TMTC1: variants seen among roughly 807,000 people sequenced by gnomAD.
The protein encoded by TMTC1 is protein O-mannosyl-transferase TMTC1.
TMTC1 carries 73 observed loss-of-function variants against 104.8 expected under a neutral mutation model. The observed-to-expected ratio is 0.70, with a 90% confidence interval of 0.58 to 0.85. The LOEUF is 0.85. Among genes scored for constraint, TMTC1 ranks in the 40% least tolerant of loss-of-function variants. The pLI is 0.00. For synonymous variants in TMTC1, 434 were observed against 428.7 expected (o/e 1.01, Z -0.15); for missense variants, 1,035 against 1,096.1 (o/e 0.94, Z 0.79).
intron 5 of TMTC1, among the ~76,000 whole-genome samples, chr12:29,728,296 AG>A (rs1942454919): frequency 6.6e-6 from 1 of 152,028 alleles, no homozygotes; most frequent in South Asian, 2.1e-4. Context: ...CCAGAGGCTC[AG>A]GAGCTGTGAT....
intron 5 of TMTC1, among the ~76,000 whole-genome samples, chr12:29,681,599 C>T (rs2136716310): frequency 6.6e-6 from 1 of 152,210 alleles, no homozygotes; most frequent in South Asian, 2.1e-4. Context: ...CAGAGGCACA[C>T]ATCAACTGAC....
At chr12:29,616,230 A>C (rs550329401) in intron 6 of TMTC1, among the ~76,000 whole-genome samples, 1 of 152,282 alleles carries the variant, frequency 6.6e-6, no homozygotes, top group African/African-American at 2.4e-5. Context: ...TATTTTGAGA[A>C]ATGCTGGTAC....
intron 5 of TMTC1, among the ~76,000 whole-genome samples, chr12:29,712,876 A>C (rs904398070): frequency 6.6e-6 from 1 of 152,176 alleles, no homozygotes; most frequent in Non-Finnish European, 1.5e-5. Context: ...ACTTGAATGA[A>C]TCTTTTATCC....
intron 5 of TMTC1, among the ~76,000 whole-genome samples, chr12:29,741,694 C>T (rs1254755135): frequency 6.6e-6 from 1 of 152,180 alleles, no homozygotes; most frequent in Non-Finnish European, 1.5e-5. Flanking sequence ...AGTGACTTTC[C>T]ATTGTTCAGG....
At chr12:29,773,614 C>A (rs1943642989) in intron 1 of TMTC1, among the ~76,000 whole-genome samples, 1 of 152,148 alleles carries the variant, frequency 6.6e-6, no homozygotes, top group African/African-American at 2.4e-5. Flanking sequence ...AGCCTGATTC[C>A]TGGCCCTGAA....
intron 5 of TMTC1, among the ~76,000 whole-genome samples, chr12:29,718,410 G>A (rs1297663600): frequency 2.6e-5 from 4 of 152,154 alleles, no homozygotes; most frequent in Non-Finnish European, 4.4e-5. Context: ...AGGAAATCCT[G>A]TAAAGAAGAG....
chr12:29,698,226 T>A (rs1400691852), intron 5 of TMTC1, among the ~76,000 whole-genome samples: 1 of 152,186 alleles, frequency 6.6e-6, no homozygotes, highest in Non-Finnish European at 1.5e-5. Flanking sequence ...TATTGTCCTC[T>A]CCCACGCCCA....
chr12:29,515,421 C>A (rs899596282), intron 15 of TMTC1, among the ~76,000 whole-genome samples: 5 of 152,196 alleles, frequency 3.3e-5, no homozygotes. Context: ...CCTGTGCTTG[C>A]GTTCCTACGG....
intron 9 of TMTC1, among the ~76,000 whole-genome samples, chr12:29,561,860 AATTT>A (rs1481425046): frequency 6.6e-6 from 1 of 152,114 alleles, no homozygotes; most frequent in Non-Finnish European, 1.5e-5. Flanking sequence ...ACCACACATT[AATTT>A]ATTTGAGGTT....
chr12:29,714,656 AC>A (rs35825692), intron 5 of TMTC1, among the ~76,000 whole-genome samples: 4 of 152,084 alleles, frequency 2.6e-5, no homozygotes, highest in Non-Finnish European at 2.9e-5. Flanking sequence ...GATCTGGGGT[AC>A]CCCCCCTGGA....
chr12:29,640,308 G>A (rs1938775213), intron 5 of TMTC1, among the ~76,000 whole-genome samples: 1 of 151,470 alleles, frequency 6.6e-6, no homozygotes, highest in Admixed American at 6.6e-5. Flanking sequence ...ACAGGAGGCA[G>A]GAACAGATGC....
intron 5 of TMTC1, among the ~76,000 whole-genome samples, chr12:29,677,874 CTATTT>C (rs1940785924): frequency 6.6e-6 from 1 of 152,298 alleles, no homozygotes; most frequent in Admixed American, 6.5e-5. Context: ...TATAATTGCT[CTATTT>C]TATTATGTTA....
intron 9 of TMTC1, among the ~76,000 whole-genome samples, chr12:29,563,770 A>G (rs1197573216): frequency 6.6e-6 from 1 of 152,194 alleles, no homozygotes; most frequent in African/African-American, 2.4e-5. Flanking sequence ...AATGTGCCAG[A>G]CCGTTTGCTA....
Position 29,783,535 on chromosome 12 carries a change from T to C in TMTC1, c.217A>G (p.Ile73Val). Residue 73 changes from isoleucine (I) to valine (V), a missense_variant, in exon 1 of 18, where the codon ATC (isoleucine) becomes GTC (valine). Transcript: ENST00000539277. This position sits in a 1 kb window ranked among gnomAD's most constrained non-coding sequence, Gnocchi z 4.7. Reference sequence around the variant, plus strand: ...TTGCCCCAGAAGTCGTTGGTGAAGATGCCCCAGCGGAGCGGGGCGCCGGGC... The same window carrying C: ...TTGCCCCAGAAGTCGTTGGTGAAGACGCCCCAGCGGAGCGGGGCGCCGGGC... Reference protein sequence around the residue: ...VRPGAPLRWGIFTNDFWGKGM... With the variant: ...VRPGAPLRWGVFTNDFWGKGM... 1 of 1,465,088 alleles carries C rather than the reference T, an allele frequency of 6.8e-7. No individual in the cohort carries two copies. The highest frequency in any genetic ancestry group is 9.0e-7 in the Non-Finnish European group (1 of 1,109,492). 90.8% of individuals were successfully genotyped at this position (1,465,088 alleles called of 1,614,324 possible).
chr12:29,572,167 G>A lies in TMTC1; in HGVS notation c.1470C>T (p.Ala490=), dbSNP rs1481623384. ...TCCGACCTTGGTCCTTCAGGAAATT[G>A]GCATAGTTGTAGTGAACCTTGGCAT... ...PHNAKVHYNY[A]NFLKDQGRNK... Residue 490 remains alanine, a synonymous_variant, in exon 9 of 18, where the codon GCC becomes GCT. Transcript: ENST00000539277. 1.9e-6 allele frequency: 3 copies of A among 1,613,976 alleles called. No homozygotes were observed. Among genetic ancestry groups the A allele is most frequent in the Non-Finnish European group, 2.5e-6 (3 of 1,179,874 alleles).
chr12:29,522,006 T>A (rs1944182258), intron 11 of TMTC1, among the ~76,000 whole-genome samples: 1 of 152,168 alleles, frequency 6.6e-6, no homozygotes, highest in South Asian at 2.1e-4. Context: ...TGTCATCTTT[T>A]CCTAGTACAG....
chr12:29,762,511 AATCTAATGT>A (rs1331647935), intron 2 of TMTC1, among the ~76,000 whole-genome samples: 1 of 152,220 alleles, frequency 6.6e-6, no homozygotes, highest in Non-Finnish European at 1.5e-5. Flanking sequence ...TTTATTAGAT[AATCTAATGT>A]ATCTGTTAGT....
intron 5 of TMTC1, among the ~76,000 whole-genome samples, chr12:29,740,830 C>T (rs563842565): frequency 6.6e-6 from 1 of 152,176 alleles, no homozygotes; most frequent in East Asian, 1.9e-4. Context: ...TTAAAAGCGA[C>T]AGAGATACTA....
chr12:29,582,881 C>T (rs75388431), intron 8 of TMTC1, among the ~76,000 whole-genome samples: 485 of 152,300 alleles, frequency 3.2e-3, no homozygotes, highest in African/African-American at 0.01. Flanking sequence ...AGGCGAAGGT[C>T]GCCAGGGCTG....
Sources: allele counts gnomAD v4.1 joint callset (sites outside exome capture counted in the v4.1 genomes callset), GRCh38; gene constraint gnomAD v4.1.1; non-coding constraint Gnocchi (gnomAD v3.1); transcripts MANE v1.5; gene names NCBI Gene and HGNC (gene_info 2026-07-23, HGNC 2026-07-21).